The following FBXO25 variants were observed in gnomAD, a reference collection of about 807,000 sequenced individuals.
FBXO25 encodes the protein F-box protein 25.
Under a neutral mutation model 51.9 loss-of-function variants are expected in FBXO25, and 45 were observed. That is an observed-to-expected ratio of 0.87 (90% CI 0.68 to 1.11). The LOEUF (loss-of-function observed/expected upper bound fraction) is 1.11, where lower values mean the gene tolerates loss of function less well. Ranked by LOEUF, FBXO25 falls within the 50% of genes most tolerant of loss-of-function variation. FBXO25 has a pLI of 0.00. For synonymous variants in FBXO25, 199 were observed against 151.0 expected (o/e 1.32, Z -2.33); for missense variants, 507 against 428.5 (o/e 1.18, Z -1.62).
chr8:408,349 T>G (rs1351722551), intron 1 of FBXO25, among the ~76,000 whole-genome samples: 2 of 152,104 alleles, frequency 1.3e-5, no homozygotes, highest in Non-Finnish European at 2.9e-5. Flanking sequence ...GTTAAAAAGC[T>G]TATAATTTAA....
chr8:457,213 C>T (rs955569446), intron 7 of FBXO25, among the ~76,000 whole-genome samples: 6 of 152,160 alleles, frequency 3.9e-5, no homozygotes, highest in South Asian at 4.1e-4. Context: ...GCCTCTGTCC[C>T]GCCCAAACAG....
chr8:460,478 G>A (rs2116807082), intron 8 of FBXO25, among the ~76,000 whole-genome samples: 1 of 152,196 alleles, frequency 6.6e-6, no homozygotes, highest in East Asian at 1.9e-4. Context: ...ATTAGAAATA[G>A]CTTTTATGAG....
chr8:441,688 CA>C (rs1315629261), intron 5 of FBXO25, among the ~76,000 whole-genome samples: 1 of 152,122 alleles, frequency 6.6e-6, no homozygotes. Context: ...ACAACCCCAT[CA>C]AAAAGTGGGT....
rs927160384 is a variant in FBXO25, at chr8:474,122, C to T, written c.*5318C>T. 5 of 154,186 alleles carry T rather than the reference C, an allele frequency of 3.2e-5. No individual in the cohort carries two copies. Among genetic ancestry groups the T allele is most frequent in the Admixed American group, 1.9e-4 (3 of 15,410 alleles). 9.6% of individuals were successfully genotyped at this position (154,186 alleles called of 1,614,324 possible). A position where few individuals can be genotyped will look rare whatever the true frequency, so the allele number is the denominator to read the frequency against. On this transcript the variant is annotated 3_prime_UTR_variant, in exon 10 of 10. Coordinates refer to ENST00000350302, the MANE Select transcript of FBXO25 (RefSeq NM_183420.2). The stretch of plus-strand genomic sequence containing the variant: ...TAAGCACCAACTCCCTATTCCCCAT[C>T]CACCAGCCCCTGGCAGCCTCTGTTC...
At chr8:450,337 G>A (rs1006372653) in intron 6 of FBXO25, among the ~76,000 whole-genome samples, 1 of 152,016 alleles carries the variant, frequency 6.6e-6, no homozygotes, top group African/African-American at 2.4e-5. Context: ...ACTTAAAAAA[G>A]CTATTTTACT....
chr8:411,823 A>G (rs577611320), intron 1 of FBXO25, among the ~76,000 whole-genome samples: 17 of 152,226 alleles, frequency 1.1e-4, no homozygotes, highest in African/African-American at 4.1e-4. Flanking sequence ...GACATTTTGA[A>G]TCAGCAGTGT....
intron 4 of FBXO25, among the ~76,000 whole-genome samples, chr8:434,890 C>T (rs1418300037): frequency 3.9e-5 from 6 of 152,088 alleles, no homozygotes; most frequent in Non-Finnish European, 4.4e-5. Flanking sequence ...TCATTTTCTT[C>T]CTTCAGTTCT....
In FBXO25 at chr8:473,674, T is replaced by C. The variant is rs1800553636; in HGVS notation, c.*4870T>C. ...GGCACTGCTGGTGCCACAGGGGTCC[T>C]GGGCTGGCTCTTGGACCATAACCAG... On this transcript the variant is annotated 3_prime_UTR_variant, in exon 10 of 10. Coordinates refer to ENST00000350302, the MANE Select transcript of FBXO25 (RefSeq NM_183420.2). 1 of 152,234 alleles carries C rather than the reference T, an allele frequency of 6.6e-6. No homozygotes were observed. The allele number at this position is 152,234 out of a possible 1,614,324, so 9.4% of individuals were successfully genotyped here.
At chr8:430,941 A>G (rs1220837136) in intron 2 of FBXO25, among the ~76,000 whole-genome samples, 1 of 152,224 alleles carries the variant, frequency 6.6e-6, no homozygotes, top group Non-Finnish European at 1.5e-5. Flanking sequence ...GTAAACAGAA[A>G]TGTTGAGTGG....
intron 2 of FBXO25, among the ~76,000 whole-genome samples, chr8:430,478 G>A (rs1418523051): frequency 2.0e-5 from 3 of 152,034 alleles, no homozygotes; most frequent in African/African-American, 4.8e-5. Flanking sequence ...ACTGGTGAGT[G>A]GAAAGGGGCT....
chr8:454,662 T>A (rs10105791), intron 7 of FBXO25, among the ~76,000 whole-genome samples: 1 of 151,898 alleles, frequency 6.6e-6, no homozygotes, highest in Non-Finnish European at 1.5e-5. Context: ...GAGGCCGAGG[T>A]GGGCAGATCA....
In FBXO25 at chr8:435,829, A is replaced by T. The variant is rs1460486481; in HGVS notation, c.381+122A>T. On this transcript the variant is annotated intron_variant, in intron 5 of 9. Transcript: ENST00000350302. ...TTGAAGGTGTGCCTGTTTGCTGCGT[A>T]TTAATCAAAAAACAGAAGGGAACAA... 3.6e-6 allele frequency: 5 copies of T among 1,407,128 alleles called. No homozygotes were observed. In the East Asian group the frequency reaches 1.2e-4, roughly 35 times the overall value. 87.2% of individuals were successfully genotyped at this position (1,407,128 alleles called of 1,614,324 possible).
chr8:461,936 C>G (rs928067112), intron 8 of FBXO25, among the ~76,000 whole-genome samples: 7 of 152,168 alleles, frequency 4.6e-5, no homozygotes, highest in African/African-American at 1.4e-4. Flanking sequence ...AAGTTTGTGG[C>G]TTTTACAAAT....
At chr8:448,983 T>C (rs1397022695) in intron 5 of FBXO25, among the ~76,000 whole-genome samples, 1 of 152,134 alleles carries the variant, frequency 6.6e-6, no homozygotes, top group Admixed American at 6.5e-5. Context: ...ACGCAAAGTT[T>C]TTCAAAAAGC....
chr8:422,494 C>T (rs960744826), intron 2 of FBXO25, among the ~76,000 whole-genome samples: 18 of 152,254 alleles, frequency 1.2e-4, no homozygotes, highest in African/African-American at 4.1e-4. Flanking sequence ...CAGACGGGCT[C>T]TGGTGGGTGG....
chr8:435,461 T>A (rs1028404036), intron 4 of FBXO25, 154 bp from the exon 5 acceptor site: 2 of 968,926 alleles, frequency 2.1e-6, no homozygotes, highest in African/African-American at 3.3e-5. Flanking sequence ...TTGCTATAAT[T>A]TTACTATACT....
At chr8:409,415 A>G (rs2117386138) in intron 1 of FBXO25, among the ~76,000 whole-genome samples, 1 of 152,324 alleles carries the variant, frequency 6.6e-6, no homozygotes, top group Middle Eastern at 3.4e-3. Context: ...CCCTTAAAAA[A>G]TCAAACTTAT....
chr8:451,404 A>C lies in FBXO25; in HGVS notation c.611A>C (p.Glu204Ala). ...GNINIWICRL[E>A]TILAWQQQLQ... ...ATCAATATTTGGATTTGCCGATTAG[A>C]AACTATTCTCGCCTGGCAACAACAG... is the stretch of plus-strand genomic sequence containing the variant. Residue 204 changes from glutamate to alanine, a missense_variant, in exon 7 of 10, where the codon GAA becomes GCA. Physicochemically the swap from Glu to Ala is moderately radical, Grantham distance 107 (BLOSUM62 -1). Transcript: ENST00000350302. 5 of 1,614,014 alleles carry C rather than the reference A, an allele frequency of 3.1e-6. No homozygotes were observed. Among genetic ancestry groups the C allele is most frequent in the African/African-American group, 1.3e-5 (1 of 75,048 alleles).
At chr8:423,368 G>C (rs1675366237) in intron 2 of FBXO25, among the ~76,000 whole-genome samples, 1 of 152,136 alleles carries the variant, frequency 6.6e-6, no homozygotes, top group African/African-American at 2.4e-5. Context: ...TATTGCATGA[G>C]GCTGGGGTTT....
Sources: gnomAD v4.1 joint callset for allele counts (sites outside exome capture counted in the v4.1 genomes callset) on GRCh38, gnomAD v4.1.1 for gene constraint, MANE v1.5 for transcripts, NCBI Gene and HGNC (gene_info 2026-07-23, HGNC 2026-07-21) for gene names.